Variants in CCDC85C observed in about 807,000 individuals in gnomAD.
The protein encoded by CCDC85C is coiled-coil domain containing 85C.
A neutral mutation model predicts 38.3 loss-of-function variants in CCDC85C; 18 were observed. The observed-to-expected ratio is 0.47, with a 90% CI of 0.33 to 0.70. The LOEUF (loss-of-function observed/expected upper bound fraction) is 0.70, where lower values mean the gene tolerates loss of function less well. CCDC85C is among the 30% of genes least tolerant of loss of function. The pLI, the probability that CCDC85C is intolerant of heterozygous loss-of-function variation, is 0.03. For missense variants in CCDC85C, 566 were observed against 621.2 expected, an observed-to-expected ratio of 0.91 and a Z score of 0.94; for synonymous variants, 264 against 293.8, an observed-to-expected ratio of 0.90 and a Z score of 1.04.
chr14:99,534,772 G>C lies in CCDC85C; in HGVS notation c.867+1243C>G. 7 of 700,462 alleles carry C rather than the reference G, an allele frequency of 1.0e-5. No individual in the cohort carries two copies. In the South Asian group the frequency reaches 1.0e-4, roughly 10 times the overall value. 43.4% of individuals were successfully genotyped at this position (700,462 alleles called of 1,614,324 possible). On this transcript the variant is annotated intron_variant, in intron 2 of 5. Transcript: ENST00000380243. ...GACAGGTGAGACCCCAGCCCCTCCT[G>C]CCCTCACCAGCCCTGGGAAGCCAGC...
Position 99,503,553 on chromosome 14 carries a change from T to G in CCDC85C, c.*11693A>C. The G allele has an allele frequency of 1.4e-6, 2 of 1,466,976 alleles. No homozygotes were observed. Among genetic ancestry groups the G allele is most frequent in the Non-Finnish European group, 9.3e-7 (1 of 1,076,280 alleles). The allele number at this position is 1,466,976 out of a possible 1,614,324, so 90.9% of individuals were successfully genotyped here. A position where few individuals can be genotyped will look rare whatever the true frequency, so the allele number is the denominator to read the frequency against. On this transcript the variant is annotated 3_prime_UTR_variant, in exon 6 of 6. Coordinates refer to ENST00000380243, the MANE Select transcript of CCDC85C (RefSeq NM_001144995.2). ...TTCTGGTGGTACCTGGATAATCCAT[T>G]TTTTTCTCATCATACTCAGGATCCC...
Position 99,506,098 on chromosome 14 carries a change from G to C in CCDC85C, c.*9148C>G, listed in dbSNP as rs1215087197. On this transcript the variant is annotated 3_prime_UTR_variant, in exon 6 of 6. Transcript: ENST00000380243. Reference sequence around the variant, plus strand: ...CCATGGTTTTGGTGGCAAGATGGACGCTAGAAATGTAGGTTTGTAGTTGTC... The same window carrying C: ...CCATGGTTTTGGTGGCAAGATGGACCCTAGAAATGTAGGTTTGTAGTTGTC... 1.3e-5 allele frequency: 2 copies of C among 152,498 alleles called. No homozygotes were observed. Among genetic ancestry groups the C allele is most frequent in the Admixed American group, 6.5e-5 (1 of 15,272 alleles). 9.4% of individuals were successfully genotyped at this position (152,498 alleles called of 1,614,324 possible). A position where few individuals can be genotyped will look rare whatever the true frequency, so the allele number is the denominator to read the frequency against.
Position 99,515,271 on chromosome 14 carries a change from C to T in CCDC85C, c.1235G>A (p.Gly412Glu). Residue 412 changes from glycine to glutamate, a missense_variant, in exon 6 of 6, where the codon GGG becomes GAG. Gly to Glu is a moderately conservative substitution (Grantham distance 98). Transcript: ENST00000380243. ...CTACAAAGGCCCCTTGAACTGGTTCCCAGACAGGTGCTGCCGTATGGAGGG... is the reference window on the plus strand; with the variant it reads ...CTACAAAGGCCCCTTGAACTGGTTCTCAGACAGGTGCTGCCGTATGGAGGG... Reference protein sequence around the residue: ...SKPSIRQHLSGNQFKGPL With the variant: ...SKPSIRQHLSENQFKGPL 1 of 1,550,838 alleles carries T rather than the reference C, an allele frequency of 6.4e-7. No homozygotes were observed. Among genetic ancestry groups the T allele is most frequent in the Non-Finnish European group, 8.7e-7 (1 of 1,146,844 alleles).
chr14:99,535,843 G>C lies in CCDC85C; in HGVS notation c.867+172C>G, dbSNP rs1303788389. On this transcript the variant is annotated intron_variant, in intron 2 of 5. Transcript: ENST00000380243. The surrounding 1 kb of genome is among the most constrained non-coding windows in gnomAD (Gnocchi z 5.5). ...AAGGTTGGGCAGAGGGAAGCCCAGAGGTGTGGGAGCCAGGGTTAGGTCCCT... is the reference window on the plus strand; with the variant it reads ...AAGGTTGGGCAGAGGGAAGCCCAGACGTGTGGGAGCCAGGGTTAGGTCCCT... 6.6e-6 allele frequency among the ~76,000 whole-genome samples: 1 copy of C among 152,168 alleles called. No individual in the cohort carries two copies. The highest frequency in any genetic ancestry group is 1.9e-4 in the East Asian group (1 of 5,172).
chr14:99,510,507 C>T lies in CCDC85C; in HGVS notation c.*4739G>A, dbSNP rs1257072835. The T allele has an allele frequency of 5.5e-6, 4 of 732,752 alleles. No individual in the cohort carries two copies. The highest frequency in any genetic ancestry group is 8.0e-6 in the Non-Finnish European group (4 of 500,048). 45.4% of individuals were successfully genotyped at this position (732,752 alleles called of 1,614,324 possible). A position where few individuals can be genotyped will look rare whatever the true frequency, so the allele number is the denominator to read the frequency against. On this transcript the variant is annotated 3_prime_UTR_variant, in exon 6 of 6. Transcript: ENST00000380243. ...CCCGCCCCCGCCACCTGTGCCTCCTCCCCCAGCCTCCTTCCCCCCACCTGC... is the reference window on the plus strand; with the variant it reads ...CCCGCCCCCGCCACCTGTGCCTCCTTCCCCAGCCTCCTTCCCCCCACCTGC...
At chr14:99,578,868 G>A (rs1191324840) in intron 1 of CCDC85C, among the ~76,000 whole-genome samples, 2 of 152,194 alleles carry the variant, frequency 1.3e-5, no homozygotes. Context: ...GCGTGACCGT[G>A]CCGTGGAAGG....
chr14:99,572,914 G>C lies in CCDC85C; in HGVS notation c.793+30253C>G, dbSNP rs1898385112. The C allele has an allele frequency of 5.7e-5, 25 of 435,668 alleles. No homozygotes were observed. Among genetic ancestry groups the C allele is most frequent in the South Asian group, 4.1e-4 (25 of 60,736 alleles). 27.0% of individuals were successfully genotyped at this position (435,668 alleles called of 1,614,324 possible). A position where few individuals can be genotyped will look rare whatever the true frequency, so the allele number is the denominator to read the frequency against. On this transcript the variant is annotated intron_variant, in intron 1 of 5. Coordinates refer to ENST00000380243, the MANE Select transcript of CCDC85C (RefSeq NM_001144995.2). This position sits in a 1 kb window ranked among gnomAD's most constrained non-coding sequence, Gnocchi z 4.4. ...CAGGCAGGGTGGGAGGCACGGACCT[G>C]AGGCAGCGCCTTCTCTTAGCTCTGA...
At chr14:99,561,682 G>A (rs1039457849) in intron 1 of CCDC85C, among the ~76,000 whole-genome samples, 2 of 152,174 alleles carry the variant, frequency 1.3e-5, no homozygotes. Context: ...CAGGGGCCCA[G>A]GCGCACACCA....
Position 99,516,625 on chromosome 14 carries a change from G to A in CCDC85C, c.1072-339C>T, listed in dbSNP as rs144208857. 9.2e-5 allele frequency among the ~76,000 whole-genome samples: 14 copies of A among 152,210 alleles called. No homozygotes were observed. Among genetic ancestry groups the A allele is most frequent in the Admixed American group, 2.6e-4 (4 of 15,290 alleles). On this transcript the variant is annotated intron_variant, in intron 4 of 5. Coordinates refer to ENST00000380243, the MANE Select transcript of CCDC85C (RefSeq NM_001144995.2). This position sits in a 1 kb window ranked among gnomAD's most constrained non-coding sequence, Gnocchi z 5.5. ...CCACGTGGAGGGGGTGTGAGTAGGCGTGGCCGTGCATGCATGTGGGATGTC... is the reference window on the plus strand; with the variant it reads ...CCACGTGGAGGGGGTGTGAGTAGGCATGGCCGTGCATGCATGTGGGATGTC...
intron 1 of CCDC85C, among the ~76,000 whole-genome samples, chr14:99,550,673 C>T (rs1056846788): frequency 2.6e-5 from 4 of 152,196 alleles, no homozygotes; most frequent in African/African-American, 9.7e-5. Flanking sequence ...AGAAGACCAG[C>T]TCCGAAAGCC....
rs1346918008 is a variant in CCDC85C, at chr14:99,509,188, T to A, written c.*6058A>T. The A allele has an allele frequency of 2.6e-5, 4 of 152,280 alleles. No individual in the cohort carries two copies. The highest frequency in any genetic ancestry group is 5.9e-5 in the Non-Finnish European group (4 of 68,062). 9.4% of individuals were successfully genotyped at this position (152,280 alleles called of 1,614,324 possible). A position where few individuals can be genotyped will look rare whatever the true frequency, so the allele number is the denominator to read the frequency against. On this transcript the variant is annotated 3_prime_UTR_variant, in exon 6 of 6. Transcript: ENST00000380243. ...GCCTGGGGAACCAGAAGCATCTTCGTGGCTTTGTCCTCTCTATGTTCTCTG... is the reference window on the plus strand; with the variant it reads ...GCCTGGGGAACCAGAAGCATCTTCGAGGCTTTGTCCTCTCTATGTTCTCTG...
intron 1 of CCDC85C, among the ~76,000 whole-genome samples, chr14:99,577,678 A>AGTGT (rs56254947): frequency 5.1e-4 from 73 of 141,918 alleles, no homozygotes; most frequent in South Asian, 1.8e-3. Flanking sequence ...ATCCCCCATC[A>AGTGT]GTGTGTGTGT....
intron 2 of CCDC85C, among the ~76,000 whole-genome samples, chr14:99,527,138 G>A (rs908289495): frequency 3.9e-5 from 6 of 152,246 alleles, no homozygotes; most frequent in South Asian, 4.1e-4. Context: ...ACGAGGGCAC[G>A]CAGGAGGTTT....
At chr14:99,561,630 C>A (rs1394864021) in intron 1 of CCDC85C, among the ~76,000 whole-genome samples, 2 of 152,184 alleles carry the variant, frequency 1.3e-5, no homozygotes, top group Non-Finnish European at 2.9e-5. Context: ...TGCGAGCGGG[C>A]AGACCCTCCA....
In CCDC85C at chr14:99,511,220, C is replaced by T. The variant is rs1022258502; in HGVS notation, c.*4026G>A. ...TGTCATTTTCATTCGGTGACATTCTCTCCCATGACACCCAGAAGGGGCAGA... is the reference window on the plus strand; with the variant it reads ...TGTCATTTTCATTCGGTGACATTCTTTCCCATGACACCCAGAAGGGGCAGA... On this transcript the variant is annotated 3_prime_UTR_variant, in exon 6 of 6. Coordinates refer to ENST00000380243, the MANE Select transcript of CCDC85C (RefSeq NM_001144995.2). 1.3e-5 allele frequency: 2 copies of T among 153,426 alleles called. No individual in the cohort carries two copies. The highest frequency in any genetic ancestry group is 4.8e-5 in the African/African-American group (2 of 41,518). The allele number at this position is 153,426 out of a possible 1,614,324, so 9.5% of individuals were successfully genotyped here. A position where few individuals can be genotyped will look rare whatever the true frequency, so the allele number is the denominator to read the frequency against.
chr14:99,527,181 C>T (rs937906999), intron 2 of CCDC85C, among the ~76,000 whole-genome samples: 6 of 152,216 alleles, frequency 3.9e-5, no homozygotes, highest in Non-Finnish European at 7.3e-5. Flanking sequence ...TGCCTGTGGG[C>T]TGCTCTGGAA....
Position 99,603,734 on chromosome 14 carries a change from G to C in CCDC85C, c.226C>G (p.Arg76Gly). Residue 76 changes from arginine (R) to glycine (G), a missense_variant, in exon 1 of 6, where the codon CGG (arginine) becomes GGG (glycine). Physicochemically the swap from Arg to Gly is moderately radical, Grantham distance 125 (BLOSUM62 -2). This residue lies in a region of CCDC85C where 269 missense variants were observed against 308.2 expected (regional missense o/e 0.87). Transcript: ENST00000380243. The surrounding 1 kb of genome is among the most constrained non-coding windows in gnomAD (Gnocchi z 7.5). ...AGCTCCTGGTTGTCGTCCTGCAGCC[G>C]CTGGTTCACGTCCTTGAGGCCGCGG... ...EIRGLKDVNQ[R>G]LQDDNQELRE... The C allele has an allele frequency of 5.9e-6, 9 of 1,520,276 alleles. No individual in the cohort carries two copies. The highest frequency in any genetic ancestry group is 7.9e-6 in the Non-Finnish European group (9 of 1,139,722). The allele number at this position is 1,520,276 out of a possible 1,614,324, so 94.2% of individuals were successfully genotyped here.
rs1310722692 is a variant in CCDC85C at position 99,516,859 on chromosome 14, G to C, written c.1071+229C>G. Reference sequence around the variant, plus strand: ...CTGCCCTCCCCGACCCCAGGCCTCAGTCTTGTTAGGTGCAGTAGCTCAGGG... The same window carrying C: ...CTGCCCTCCCCGACCCCAGGCCTCACTCTTGTTAGGTGCAGTAGCTCAGGG... On this transcript the variant is annotated intron_variant, in intron 4 of 5. Coordinates refer to ENST00000380243, the MANE Select transcript of CCDC85C (RefSeq NM_001144995.2). This position sits in a 1 kb window ranked among gnomAD's most constrained non-coding sequence, Gnocchi z 5.5. Among the ~76,000 whole-genome samples the C allele has an allele frequency of 6.6e-6, 1 of 152,120 alleles. No individual in the cohort carries two copies. Among genetic ancestry groups the C allele is most frequent in the African/African-American group, 2.4e-5 (1 of 41,400 alleles).
rs1415172025 is a variant in CCDC85C, at chr14:99,511,893, G to C, written c.*3353C>G. 6.6e-6 allele frequency: 1 copy of C among 152,406 alleles called. No homozygotes were observed. Among genetic ancestry groups the C allele is most frequent in the East Asian group, 1.9e-4 (1 of 5,186 alleles). 9.4% of individuals were successfully genotyped at this position (152,406 alleles called of 1,614,324 possible). ...CAGCTGGAGGAGCAGCGGCCTCACT[G>C]TCCACCTTGAGGGGCCACGGCTCTG... On this transcript the variant is annotated 3_prime_UTR_variant, in exon 6 of 6. Coordinates refer to ENST00000380243, the MANE Select transcript of CCDC85C (RefSeq NM_001144995.2).
Sources: allele counts gnomAD v4.1 joint callset (sites outside exome capture counted in the v4.1 genomes callset), GRCh38; gene constraint gnomAD v4.1.1; regional missense constraint gnomAD v4.1.1; non-coding constraint Gnocchi (gnomAD v3.1); transcripts MANE v1.5; gene names NCBI Gene and HGNC (gene_info 2026-07-23, HGNC 2026-07-21).